NIN: variants seen among roughly 807,000 people sequenced by gnomAD.
The protein encoded by NIN is glycogen synthase kinase 3 beta-interacting protein.
In NIN, 137 loss-of-function variants were observed where a neutral mutation model predicts 257.6. The observed-to-expected ratio is 0.53, with a 90% CI of 0.46 to 0.61. The LOEUF (loss-of-function observed/expected upper bound fraction) is 0.61, where lower values mean the gene tolerates loss of function less well. NIN is among the 20% of genes least tolerant of loss of function. The pLI, the probability that NIN is intolerant of heterozygous loss-of-function variation, is 0.00. For synonymous variants in NIN, 918 were observed against 919.8 expected (o/e 1.00, Z 0.04); for missense variants, 2,439 against 2,501.2 (o/e 0.98, Z 0.53).
chr14:50,730,335 G>A (rs1392929589), intron 28 of NIN, among the ~76,000 whole-genome samples: 1 of 152,188 alleles, frequency 6.6e-6, no homozygotes, highest in East Asian at 1.9e-4. Flanking sequence ...TGGAATGGAA[G>A]TATTCAAGAC....
rs2040935092 is a variant in NIN, at chr14:50,735,563, C to T, written c.5830G>A (p.Glu1944Lys). ...TTTACTTGTTTCTTTTTCAGGCCTTCATTTTCCAAATGAATTGTTTCTAAT... is the reference window on the plus strand; with the variant it reads ...TTTACTTGTTTCTTTTTCAGGCCTTTATTTTCCAAATGAATTGTTTCTAAT... ...QELETIHLENEGLKKKQVKLD... is the reference protein window; with the variant it reads ...QELETIHLENKGLKKKQVKLD... The change falls in exon 28 of 31, where the codon GAA becomes AAA. Residue 1944 changes from glutamate to lysine, a missense_variant. Transcript: ENST00000530997. The T allele has an allele frequency of 6.2e-7, 1 of 1,612,836 alleles. No individual in the cohort carries two copies. Among genetic ancestry groups the T allele is most frequent in the South Asian group, 1.1e-5 (1 of 91,084 alleles).
At chr14:50,810,207 G>A (rs1273687644) in intron 3 of NIN, among the ~76,000 whole-genome samples, 1 of 150,436 alleles carries the variant, frequency 6.6e-6, no homozygotes, top group Non-Finnish European at 1.5e-5. Context: ...CTACAGCCTG[G>A]GCGACAGAGT....
chr14:50,807,970 T>G (rs2044404588), intron 3 of NIN, among the ~76,000 whole-genome samples: 1 of 152,248 alleles, frequency 6.6e-6, no homozygotes, highest in Non-Finnish European at 1.5e-5. Flanking sequence ...TAGATTATAT[T>G]GCATATATTT....
Position 50,757,825 on chromosome 14 carries a change from T to C in NIN, c.3205A>G (p.Ser1069Gly). 6.2e-7 allele frequency: 1 copy of C among 1,614,178 alleles called. No homozygotes were observed. The highest frequency in any genetic ancestry group is 8.5e-7 in the Non-Finnish European group (1 of 1,180,024). ...LLEENGDVLL[S>G]LQRAHEQAVK... Reference sequence around the variant, plus strand: ...GCCTGTTCATGAGCTCTCTGCAGGCTTAAGAGGACGTCCCCATTTTCTTCC... The same window carrying C: ...GCCTGTTCATGAGCTCTCTGCAGGCCTAAGAGGACGTCCCCATTTTCTTCC... The change falls in exon 18 of 31, where the codon AGC becomes GGC. Residue 1069 changes from serine (S) to glycine (G), a missense_variant. Ser to Gly is a moderately conservative substitution (Grantham distance 56, BLOSUM62 0). Coordinates refer to ENST00000530997, the MANE Select transcript of NIN (RefSeq NM_020921.4).
intron 18 of NIN, among the ~76,000 whole-genome samples, chr14:50,755,269 T>C (rs567771817): frequency 6.6e-6 from 1 of 152,282 alleles, no homozygotes; most frequent in African/African-American, 2.4e-5. Context: ...TTTAGGCCCC[T>C]GGGTACCTAG....
chr14:50,753,395 C>T (rs1383419497), intron 20 of NIN, among the ~76,000 whole-genome samples: 4 of 152,030 alleles, frequency 2.6e-5, no homozygotes, highest in Admixed American at 6.5e-5. Context: ...AGCGAAACTC[C>T]GTCTCAAAAG....
chr14:50,795,743 G>C (rs1456403087), intron 4 of NIN, among the ~76,000 whole-genome samples: 3 of 152,216 alleles, frequency 2.0e-5, no homozygotes, highest in African/African-American at 7.2e-5. Context: ...CCACAGGTGA[G>C]AGTATCTGCT....
intron 20 of NIN, 21 bp downstream of exon 20, chr14:50,754,541 GA>G: frequency 6.4e-7 from 1 of 1,569,400 alleles, no homozygotes. Context: ...AAAACATTGA[GA>G]AATATTAAGT....
At chr14:50,813,833 A>T (rs774082452) in intron 3 of NIN, among the ~76,000 whole-genome samples, 29 of 152,260 alleles carry the variant, frequency 1.9e-4, no homozygotes, top group Non-Finnish European at 2.6e-4. Flanking sequence ...ATACAAACTT[A>T]GTAGATTTGT....
Position 50,741,425 on chromosome 14 carries a change from T to G in NIN, c.5448+157A>C, listed in dbSNP as rs12891224. Among the ~76,000 whole-genome samples, 31,575 of 152,190 alleles carry G rather than the reference T, an allele frequency of 0.21. 4,003 individuals are homozygous for G. The highest frequency in any genetic ancestry group is 0.3 in the South Asian group (1,460 of 4,812). ...AGCCTGCTGAGTGCTGGAAATGTTCTACATTTTTATCTAAGTGATGGTTAT... is the reference window on the plus strand; with the variant it reads ...AGCCTGCTGAGTGCTGGAAATGTTCGACATTTTTATCTAAGTGATGGTTAT... On this transcript the variant is annotated intron_variant, in intron 25 of 30. Transcript: ENST00000530997.
intron 4 of NIN, among the ~76,000 whole-genome samples, chr14:50,805,463 G>C (rs1196329318): frequency 2.0e-5 from 3 of 152,086 alleles, no homozygotes; most frequent in African/African-American, 7.2e-5. Flanking sequence ...ACATTGCTAG[G>C]GGTGTCACCA....
chr14:50,779,471 G>T (rs777852984), intron 5 of NIN, among the ~76,000 whole-genome samples: 32 of 152,310 alleles, frequency 2.1e-4, no homozygotes, highest in Non-Finnish European at 4.3e-4. Flanking sequence ...TGAAAAGAAG[G>T]GGGCAGGCTG....
chr14:50,726,824 A>G (rs1001365243), intron 29 of NIN, among the ~76,000 whole-genome samples: 1 of 152,234 alleles, frequency 6.6e-6, no homozygotes, highest in Non-Finnish European at 1.5e-5. Context: ...AAATGTCCCC[A>G]TAAGGAATTT....
chr14:50,720,908 T>C lies in NIN; in HGVS notation c.*2555A>G, dbSNP rs193151347. 1 of 196,742 alleles carries C rather than the reference T, an allele frequency of 5.1e-6. No homozygotes were observed. Among genetic ancestry groups the C allele is most frequent in the Non-Finnish European group, 1.1e-5 (1 of 94,868 alleles). 12.2% of individuals were successfully genotyped at this position (196,742 alleles called of 1,614,324 possible). ...AATAATTGTTCTTAAATCAAAAAGT[T>C]TGAAAATCAGTGCTTTTAATAAGCA... On this transcript the variant is annotated 3_prime_UTR_variant, in exon 31 of 31. Coordinates refer to ENST00000530997, the MANE Select transcript of NIN (RefSeq NM_020921.4).
At chr14:50,763,212 C>T (rs2042340490) in intron 15 of NIN, among the ~76,000 whole-genome samples, 2 of 152,186 alleles carry the variant, frequency 1.3e-5, no homozygotes, top group South Asian at 2.1e-4. Context: ...AAACTCAACA[C>T]CCCCGAGAAA....
intron 28 of NIN, among the ~76,000 whole-genome samples, chr14:50,731,304 C>T (rs908933218): frequency 2.6e-5 from 4 of 151,636 alleles, no homozygotes; most frequent in Admixed American, 1.3e-4. Flanking sequence ...CCGAGGTGGG[C>T]GGATCACTTG....
At chr14:50,770,050 A>C (rs767989066) in intron 12 of NIN, among the ~76,000 whole-genome samples, 41 of 152,226 alleles carry the variant, frequency 2.7e-4, no homozygotes, top group Non-Finnish European at 5.0e-4. Context: ...GCAGGCGAGA[A>C]GATGGGGATC....
intron 22 of NIN, among the ~76,000 whole-genome samples, chr14:50,746,372 T>A (rs2041539473): frequency 6.6e-6 from 1 of 152,204 alleles, no homozygotes; most frequent in African/African-American, 2.4e-5. Flanking sequence ...CGGCAGAACA[T>A]GCATTTTGCA....
At chr14:50,823,443 A>G (rs1345508364) in intron 2 of NIN, 6 of 322,876 alleles carry the variant, frequency 1.9e-5, no homozygotes, top group South Asian at 8.5e-5. Context: ...TCATTACAAC[A>G]TGAAAAACGT....
Sources: gnomAD v4.1 joint callset for allele counts (sites outside exome capture counted in the v4.1 genomes callset) on GRCh38, gnomAD v4.1.1 for gene constraint, MANE v1.5 for transcripts, NCBI Gene and HGNC (gene_info 2026-07-23, HGNC 2026-07-21) for gene names.